Variants in GABRA3 observed in about 807,000 individuals in gnomAD.
GABRA3 encodes the protein gamma-aminobutyric acid type A receptor subunit alpha3, also known as gamma-aminobutyric acid receptor subunit alpha-3.
Under a neutral mutation model 30.1 loss-of-function variants are expected in GABRA3, and 10 were observed. That is an observed-to-expected ratio of 0.33 (90% CI 0.20 to 0.56). The LOEUF is 0.56. Among genes scored for constraint, GABRA3 ranks in the 20% least tolerant of loss-of-function variants. The probability of loss-of-function intolerance (pLI) is 0.89; values close to 1 mark genes in which losing one functional copy is unlikely to be tolerated. For synonymous variants in GABRA3, 151 were observed against 146.8 expected (o/e 1.03, Z -0.21); for missense variants, 233 against 392.0 (o/e 0.59, Z 3.42).
intron 6 of GABRA3, among the ~76,000 whole-genome samples, chrX:152,217,736 C>T (rs1221763254): frequency 9.1e-6 from 1 of 110,032 alleles, no homozygotes; most frequent in Non-Finnish European, 1.9e-5. Context: ...TTCATTTCAT[C>T]TAGGTTACCT....
At chrX:152,199,461 C>G (rs1209209255) in intron 7 of GABRA3, among the ~76,000 whole-genome samples, 1 of 100,855 alleles carries the variant, frequency 9.9e-6, no homozygotes, top group Non-Finnish European at 2.0e-5. Flanking sequence ...CCACCAGAAA[C>G]TAGGGAGAGG....
intron 2 of GABRA3, among the ~76,000 whole-genome samples, chrX:152,350,552 AG>A (rs1940463197): frequency 8.9e-6 from 1 of 111,742 alleles, no homozygotes. Context: ...TTCTAATTAT[AG>A]TTTTCTTGCT....
intron 2 of GABRA3, among the ~76,000 whole-genome samples, chrX:152,353,696 A>C (rs1192247612): frequency 8.9e-6 from 1 of 111,945 alleles, no homozygotes; most frequent in African/African-American, 3.2e-5. Flanking sequence ...ACCCACAGCC[A>C]TGATCAAAGC....
intron 1 of GABRA3, among the ~76,000 whole-genome samples, chrX:152,427,548 G>A (rs972151050): frequency 1.8e-5 from 2 of 111,664 alleles, no homozygotes; most frequent in South Asian, 7.5e-4. Flanking sequence ...CACTAACCTA[G>A]GTCTGCTTTT....
chrX:152,277,500 T>A (rs1029708610), intron 4 of GABRA3, among the ~76,000 whole-genome samples: 4 of 111,269 alleles, frequency 3.6e-5, no homozygotes, highest in Non-Finnish European at 7.5e-5. Flanking sequence ...CTGTATACCA[T>A]AGGAAATTTT....
At chrX:152,450,068 T>A (rs889510383) in intron 1 of GABRA3, among the ~76,000 whole-genome samples, 6 of 111,090 alleles carry the variant, frequency 5.4e-5, no homozygotes, top group African/African-American at 2.0e-4. Flanking sequence ...CATCAAACAA[T>A]TGGATCCCTT....
chrX:152,388,341 T>C (rs1207225701), intron 1 of GABRA3, among the ~76,000 whole-genome samples: 1 of 111,688 alleles, frequency 9.0e-6, no homozygotes, highest in Non-Finnish European at 1.9e-5. Context: ...CATGGTGTAT[T>C]TTCTATGTAT....
At chrX:152,265,081 C>CA (rs1219609650) in intron 4 of GABRA3, among the ~76,000 whole-genome samples, 2 of 111,367 alleles carry the variant, frequency 1.8e-5, no homozygotes, top group Admixed American at 9.5e-5. Flanking sequence ...CAACATTGGA[C>CA]AGATAGTCCA....
chrX:152,450,101 ATAC>A (rs1202936522), intron 1 of GABRA3, among the ~76,000 whole-genome samples: 2 of 111,314 alleles, frequency 1.8e-5, no homozygotes, highest in Non-Finnish European at 3.8e-5. Flanking sequence ...CTGAAGGGCT[ATAC>A]TACAAGAGCC....
intron 9 of GABRA3, among the ~76,000 whole-genome samples, chrX:152,175,740 C>T (rs1215000147): frequency 9.0e-6 from 1 of 111,087 alleles, no homozygotes; most frequent in Non-Finnish European, 1.9e-5. Flanking sequence ...TGACAAAGTA[C>T]CTGGGCTTGG....
At chrX:152,234,752 G>A (rs774293707) in intron 5 of GABRA3, among the ~76,000 whole-genome samples, 3 of 111,440 alleles carry the variant, frequency 2.7e-5, no homozygotes, top group South Asian at 7.4e-4. Context: ...GTATGTTTCC[G>A]TTGATTTTCT....
chrX:152,190,513 TC>T (rs1937310374), intron 8 of GABRA3, among the ~76,000 whole-genome samples: 1 of 111,025 alleles, frequency 9.0e-6, no homozygotes, highest in Non-Finnish European at 1.9e-5. Flanking sequence ...TATTTTTTTT[TC>T]TTTTTTCTTT....
At chrX:152,345,272 T>C (rs1336604877) in intron 3 of GABRA3, among the ~76,000 whole-genome samples, 1 of 111,564 alleles carries the variant, frequency 9.0e-6, no homozygotes, top group Non-Finnish European at 1.9e-5. Flanking sequence ...TCTAAATCCA[T>C]TGGGCTATGT....
intron 3 of GABRA3, among the ~76,000 whole-genome samples, chrX:152,308,195 C>T (rs1285224811): frequency 8.9e-6 from 1 of 112,709 alleles, no homozygotes; most frequent in Non-Finnish European, 1.9e-5. Flanking sequence ...ACCATGTCTG[C>T]TTTACTGGCA....
At chrX:152,214,742 C>A (rs372670710) in intron 6 of GABRA3, among the ~76,000 whole-genome samples, 1 of 110,800 alleles carries the variant, frequency 9.0e-6, no homozygotes, top group African/African-American at 3.3e-5. Context: ...GTGTCTTCCT[C>A]TATTTTTCTA....
At chrX:152,371,827 T>C (rs947946040) in intron 1 of GABRA3, among the ~76,000 whole-genome samples, 20 of 111,531 alleles carry the variant, frequency 1.8e-4, no homozygotes, top group African/African-American at 6.5e-4. Flanking sequence ...TTCTAAGTTC[T>C]AGGAATACAG....
chrX:152,275,722 G>A (rs928566690), intron 4 of GABRA3, among the ~76,000 whole-genome samples: 8 of 108,488 alleles, frequency 7.4e-5, no homozygotes, highest in Admixed American at 4.1e-4. Flanking sequence ...TCGTGCAACT[G>A]CACTCCGGCC....
rs747288735 is a variant in GABRA3, at chrX:152,338,308, C to A, written c.262+7273G>T. Among the ~76,000 whole-genome samples, 16 of 112,066 alleles carry A rather than the reference C, an allele frequency of 1.4e-4. No homozygotes were observed. The East Asian group carries it at 3.9e-3, about 27-fold the overall frequency. ...ATGATTTTGAGCATTTTTTCATGTA[C>A]CTCTTGGCCATTTGTATGTCTTCTT... On this transcript the variant is annotated intron_variant, in intron 3 of 9. Coordinates refer to ENST00000370314, the MANE Select transcript of GABRA3 (RefSeq NM_000808.4).
intron 5 of GABRA3, among the ~76,000 whole-genome samples, chrX:152,226,889 A>G (rs76882435): frequency 9.9e-5 from 11 of 111,671 alleles, no homozygotes; most frequent in South Asian, 3.7e-4. Context: ...AACAACAGGT[A>G]CTGGAGAGGA....
Sources: allele counts gnomAD v4.1 joint callset (sites outside exome capture counted in the v4.1 genomes callset), GRCh38; gene constraint gnomAD v4.1.1; transcripts MANE v1.5; gene names NCBI Gene and HGNC (gene_info 2026-07-23, HGNC 2026-07-21).